Variants in THSD4 observed in about 807,000 individuals in gnomAD.
The protein encoded by THSD4 is thrombospondin type-1 domain-containing protein 4.
Under a neutral mutation model 119.0 loss-of-function variants are expected in THSD4, and 69 were observed. That is an observed-to-expected ratio of 0.58 (90% CI 0.48 to 0.71). The LOEUF is 0.71. Among genes scored for constraint, THSD4 ranks in the 30% least tolerant of loss-of-function variants. The pLI is 0.00. For missense variants in THSD4, 1,393 were observed against 1,391.1 expected (o/e 1.00, Z -0.02); for synonymous variants, 524 against 540.4 (o/e 0.97, Z 0.42).
intron 6 of THSD4, among the ~76,000 whole-genome samples, chr15:71,311,146 C>T (rs900316808): frequency 1.3e-5 from 2 of 152,074 alleles, no homozygotes; most frequent in South Asian, 4.1e-4. Context: ...TCCAAGAGGC[C>T]GTCAAAGTTC....
intron 6 of THSD4, among the ~76,000 whole-genome samples, chr15:71,318,606 G>A (rs564351456): frequency 6.6e-6 from 1 of 152,284 alleles, no homozygotes; most frequent in African/African-American, 2.4e-5. Context: ...AGGTGATTCA[G>A]ACCAACACAA....
chr15:71,372,266 T>C (rs776388975), intron 6 of THSD4, among the ~76,000 whole-genome samples: 18 of 152,238 alleles, frequency 1.2e-4, no homozygotes, highest in Non-Finnish European at 2.2e-4. Flanking sequence ...TCTGAAGCCT[T>C]CTTCTCTCAA....
intron 1 of THSD4, among the ~76,000 whole-genome samples, chr15:71,131,938 C>A (rs1159585304): frequency 6.6e-6 from 1 of 152,212 alleles, no homozygotes; most frequent in East Asian, 1.9e-4. Context: ...GCCTGCATGA[C>A]TGTGTGAAGT....
At chr15:71,669,216 C>T (rs1441731739) in intron 8 of THSD4, among the ~76,000 whole-genome samples, 1 of 152,074 alleles carries the variant, frequency 6.6e-6, no homozygotes, top group Non-Finnish European at 1.5e-5. Context: ...TTTGCATTTT[C>T]CTGACCACTA....
intron 6 of THSD4, among the ~76,000 whole-genome samples, chr15:71,267,028 G>T (rs2044472610): frequency 6.6e-6 from 1 of 152,104 alleles, no homozygotes; most frequent in Non-Finnish European, 1.5e-5. Context: ...AACCAAGTTG[G>T]AAAACACTCT....
At chr15:71,582,346 T>C (rs917527315) in intron 7 of THSD4, among the ~76,000 whole-genome samples, 6 of 152,204 alleles carry the variant, frequency 3.9e-5, no homozygotes, top group African/African-American at 1.4e-4. Flanking sequence ...CCTGCAACTT[T>C]ATTGAATTTG....
intron 1 of THSD4, among the ~76,000 whole-genome samples, chr15:71,136,680 G>C (rs2040554887): frequency 6.6e-6 from 1 of 152,110 alleles, no homozygotes; most frequent in Non-Finnish European, 1.5e-5. Context: ...GAGGGAGGGA[G>C]GGAGGTGGAA....
intron 3 of THSD4, among the ~76,000 whole-genome samples, chr15:71,212,708 G>C (rs1195347630): frequency 6.6e-6 from 1 of 152,242 alleles, no homozygotes; most frequent in African/African-American, 2.4e-5. Flanking sequence ...ATTTAGACCA[G>C]AAGTCGGGAG....
chr15:71,565,113 G>A (rs1179063025), intron 7 of THSD4, among the ~76,000 whole-genome samples: 1 of 152,176 alleles, frequency 6.6e-6, no homozygotes, highest in East Asian at 1.9e-4. Context: ...GACTGTGGCT[G>A]CAGGTCCAGC....
chr15:71,746,545 C>T (rs751645386), intron 12 of THSD4, among the ~76,000 whole-genome samples: 34 of 152,284 alleles, frequency 2.2e-4, no homozygotes, highest in Non-Finnish European at 3.7e-4. Context: ...CAGGCACACA[C>T]CACCACACCC....
At chr15:71,721,950 C>G (rs879080647) in intron 8 of THSD4, among the ~76,000 whole-genome samples, 1 of 147,558 alleles carries the variant, frequency 6.8e-6, no homozygotes, top group East Asian at 2.0e-4. Flanking sequence ...GCACTCCAGC[C>G]TGGGTGACAG....
intron 6 of THSD4, chr15:71,348,105 G>C (rs1242570506): frequency 6.6e-6 from 1 of 152,198 alleles, no homozygotes; most frequent in Non-Finnish European, 1.5e-5. Flanking sequence ...TAAAATGAGA[G>C]TAGTTAAAAT....
intron 11 of THSD4, among the ~76,000 whole-genome samples, chr15:71,741,771 T>C (rs1247450605): frequency 6.6e-6 from 1 of 152,036 alleles, no homozygotes; most frequent in Non-Finnish European, 1.5e-5. Flanking sequence ...CATGTCTAGC[T>C]CTTCTTTACC....
intron 6 of THSD4, among the ~76,000 whole-genome samples, chr15:71,410,600 C>G (rs1230093131): frequency 1.3e-5 from 2 of 152,160 alleles, no homozygotes; most frequent in Admixed American, 1.3e-4. Context: ...GGTTTTATCC[C>G]TTGCTTAGGA....
intron 7 of THSD4, among the ~76,000 whole-genome samples, chr15:71,476,944 G>T (rs886971634): frequency 6.6e-6 from 1 of 152,206 alleles, no homozygotes; most frequent in Non-Finnish European, 1.5e-5. Context: ...GGGTGAGCAT[G>T]AGTGAACGCG....
At chr15:71,528,563 T>A (rs1269844054) in intron 7 of THSD4, among the ~76,000 whole-genome samples, 1 of 152,242 alleles carries the variant, frequency 6.6e-6, no homozygotes, top group Non-Finnish European at 1.5e-5. Context: ...CCCGTGGTTA[T>A]TAAAATTAAA....
chr15:71,640,495 G>T (rs1501420), intron 7 of THSD4, among the ~76,000 whole-genome samples: 139,466 of 152,118 alleles, frequency 0.92, 65,219 homozygotes, highest in East Asian at 1. Context: ...AAATTCTCCC[G>T]TATTGGATTA....
intron 6 of THSD4, among the ~76,000 whole-genome samples, chr15:71,297,796 G>A (rs2044887068): frequency 6.6e-6 from 1 of 152,108 alleles, no homozygotes; most frequent in Non-Finnish European, 1.5e-5. Context: ...TTTAAATTGG[G>A]TTGTATGTCT....
intron 6 of THSD4, among the ~76,000 whole-genome samples, chr15:71,390,836 T>C (rs951226126): frequency 2.6e-5 from 4 of 151,018 alleles, no homozygotes; most frequent in South Asian, 2.1e-4. Context: ...TAGGTAATTA[T>C]GATTGGCTAA....
Sources: gnomAD v4.1 joint callset for allele counts (sites outside exome capture counted in the v4.1 genomes callset) on GRCh38, gnomAD v4.1.1 for gene constraint, MANE v1.5 for transcripts, NCBI Gene and HGNC (gene_info 2026-07-23, HGNC 2026-07-21) for gene names.